Variants in FGD2 observed in about 807,000 individuals in gnomAD.
FGD2 encodes the protein FYVE, RhoGEF and PH domain containing 2, also known as FYVE, RhoGEF and PH domain-containing protein 2.
A neutral mutation model predicts 75.9 loss-of-function variants in FGD2; 52 were observed. The observed-to-expected ratio is 0.69, with a 90% confidence interval of 0.55 to 0.86. The LOEUF (loss-of-function observed/expected upper bound fraction) is 0.86. Among genes scored for constraint, FGD2 ranks in the 40% least tolerant of loss-of-function variants. The pLI is 0.00. For missense variants in FGD2, 790 were observed against 872.0 expected (o/e 0.91, Z 1.18); for synonymous variants, 347 against 348.6 (o/e 1.00, Z 0.05).
chr6:37,012,199 G>T (rs1765045033), intron 4 of FGD2, among the ~76,000 whole-genome samples: 1 of 152,182 alleles, frequency 6.6e-6, no homozygotes, highest in Non-Finnish European at 1.5e-5. Flanking sequence ...CTTCACATCA[G>T]CCTGCTGTGT....
rs1764888167 is a variant in FGD2 at position 37,009,082 on chromosome 6, G to A, written c.300+17G>A. On this transcript the variant is annotated intron_variant, in intron 2 of 15. Transcript: ENST00000274963. ...GGGACGCAGGTGCCTGAGGGCTGAG[G>A]TAGAGGTGTGGGGTGCTGGGGTGGG... 6.2e-7 allele frequency: 1 copy of A among 1,611,098 alleles called. No individual in the cohort carries two copies.
intron 6 of FGD2, 185 bp downstream of exon 6, chr6:37,014,285 T>A (rs1389866016): frequency 1.3e-6 from 1 of 746,226 alleles, no homozygotes; most frequent in Non-Finnish European, 2.1e-6. Flanking sequence ...CCCAGAGAGG[T>A]TTAGTGACTT....
chr6:37,027,303 A>G, intron 14 of FGD2, 126 bp from the exon 15 acceptor site: 1 of 1,146,030 alleles, frequency 8.7e-7, no homozygotes, highest in South Asian at 1.8e-5. Context: ...TCTGAGCCTC[A>G]AGGACCAAGG....
In FGD2 at chr6:37,026,247, G is replaced by T. The variant is rs970593930; in HGVS notation, c.1605+309G>T. The T allele has an allele frequency of 8.1e-6, 8 of 985,314 alleles. No individual in the cohort carries two copies. In the African/African-American group the frequency reaches 1.4e-4, roughly 17 times the overall value. 61.0% of individuals were successfully genotyped at this position (985,314 alleles called of 1,614,324 possible). On this transcript the variant is annotated intron_variant, in intron 14 of 15. Coordinates refer to ENST00000274963, the MANE Select transcript of FGD2 (RefSeq NM_173558.4). ...GGACAGCTCATGTTCACGTCCCCAT[G>T]TCCTGCCCCGACAGTCCCAGGGTGC...
chr6:37,027,941 C>T lies in FGD2; in HGVS notation c.1753-7C>T. 6.2e-7 allele frequency: 1 copy of T among 1,613,466 alleles called. No homozygotes were observed. The highest frequency in any genetic ancestry group is 8.5e-7 in the Non-Finnish European group (1 of 1,179,728). ...GACAGTGGCCCACTGCTCTCTCCTCCCCCCAGGACATGAGGGCTCACACCT... is the reference window on the plus strand; with the variant it reads ...GACAGTGGCCCACTGCTCTCTCCTCTCCCCAGGACATGAGGGCTCACACCT... On this transcript the variant is annotated splice_region_variant and splice_polypyrimidine_tract_variant and intron_variant, in intron 15 of 15. Transcript: ENST00000274963.
Position 37,013,833 on chromosome 6 carries a change from G to A in FGD2, c.684+68G>A, listed in dbSNP as rs1250451618. On this transcript the variant is annotated intron_variant, in intron 5 of 15. Coordinates refer to ENST00000274963, the MANE Select transcript of FGD2 (RefSeq NM_173558.4). Reference sequence around the variant, plus strand: ...CATGCAGTGGCTCAGGTTGCCTTGAGTGATTCCGGGCATCTCCCAGGCTCA... The same window carrying A: ...CATGCAGTGGCTCAGGTTGCCTTGAATGATTCCGGGCATCTCCCAGGCTCA... 1.6e-5 allele frequency: 26 copies of A among 1,596,632 alleles called. No homozygotes were observed. In the East Asian group the frequency reaches 4.2e-4, roughly 26 times the overall value.
chr6:37,009,225 G>A (rs2150767650), intron 2 of FGD2, 160 bp downstream of exon 2: 3 of 665,820 alleles, frequency 4.5e-6, no homozygotes, highest in Non-Finnish European at 5.0e-6. Context: ...ATGCTTAATG[G>A]CCTTTGATTC....
intron 11 of FGD2, among the ~76,000 whole-genome samples, chr6:37,021,247 C>T (rs1292888306): frequency 6.6e-6 from 1 of 152,144 alleles, no homozygotes; most frequent in Non-Finnish European, 1.5e-5. Context: ...GGAGACCGAT[C>T]TGGGTTCCTA....
chr6:37,008,908 C>T lies in FGD2; in HGVS notation c.143C>T (p.Ser48Phe). Residue 48 changes from serine (S) to phenylalanine (F), a missense_variant, in exon 2 of 16, where the codon TCC (serine) becomes TTC (phenylalanine). Ser to Phe is a radical substitution (Grantham distance 155). Transcript: ENST00000274963. ...CGCCCTGAGTGCAGGCCTCCCGAGT[C>T]CCCAGGACCACGGGAGAAGACGAAT... is the stretch of plus-strand genomic sequence containing the variant. The part of the protein sequence containing the change: ...HHRPECRPPE[S>F]PGPREKTNVG... The T allele has an allele frequency of 1.2e-6, 2 of 1,614,118 alleles. No individual in the cohort carries two copies. The highest frequency in any genetic ancestry group is 1.1e-5 in the South Asian group (1 of 91,066).
rs192192429 is a variant in FGD2, at chr6:37,019,587, C to G, written c.1123-954C>G. ...GTGCTCTCAGCCTGTGTCTTAGGTTCTCTTTGCAAATCTCTCTCCACACCG... is the reference window on the plus strand; with the variant it reads ...GTGCTCTCAGCCTGTGTCTTAGGTTGTCTTTGCAAATCTCTCTCCACACCG... On this transcript the variant is annotated intron_variant, in intron 9 of 15. Coordinates refer to ENST00000274963, the MANE Select transcript of FGD2 (RefSeq NM_173558.4). Among the ~76,000 whole-genome samples the G allele has an allele frequency of 1.2e-4, 18 of 152,312 alleles. No homozygotes were observed. The East Asian group carries it at 3.5e-3, about 29-fold the overall frequency.
chr6:37,014,791 C>A (rs1765196973), intron 7 of FGD2, 87 bp downstream of exon 7: 2 of 1,608,226 alleles, frequency 1.2e-6, no homozygotes, highest in Admixed American at 3.4e-5. Context: ...CCCACTGCTG[C>A]CCTCACTGTT....
At chr6:37,010,733 A>C (rs1229664709) in intron 2 of FGD2, among the ~76,000 whole-genome samples, 2 of 152,196 alleles carry the variant, frequency 1.3e-5, no homozygotes, top group Non-Finnish European at 2.9e-5. Flanking sequence ...AGCTCCCAAG[A>C]CAGCACAGGT....
intron 3 of FGD2, 133 bp from the exon 4 acceptor site, chr6:37,011,573 G>A: frequency 1.6e-6 from 2 of 1,224,688 alleles, no homozygotes; most frequent in Non-Finnish European, 1.2e-6. Context: ...CTTTTCCCGG[G>A]GTTGCTGTGA....
chr6:37,021,828 G>T, intron 12 of FGD2: 1 of 533,930 alleles, frequency 1.9e-6, no homozygotes, highest in Non-Finnish European at 3.3e-6. Flanking sequence ...CTGTCTTGGG[G>T]AAGTGTTTCA....
At chr6:37,008,311 C>T (rs1366776516) in intron 1 of FGD2, among the ~76,000 whole-genome samples, 1 of 152,174 alleles carries the variant, frequency 6.6e-6, no homozygotes, top group Non-Finnish European at 1.5e-5. Flanking sequence ...TACGAAGGCC[C>T]GTCCCTGGGA....
At chr6:37,014,263 A>C (rs1448372812) in intron 6 of FGD2, 163 bp downstream of exon 6, 2 of 848,856 alleles carry the variant, frequency 2.4e-6, no homozygotes, top group Non-Finnish European at 1.8e-6. Context: ...TTCACAGATG[A>C]GGACACTAAG....
At chr6:37,023,621 G>A (rs555496300) in intron 13 of FGD2, 1 of 152,396 alleles carries the variant, frequency 6.6e-6, no homozygotes, top group South Asian at 2.1e-4. Context: ...AGCTGGACAG[G>A]TTGGGGCCAG....
chr6:37,011,186 A>G, intron 3 of FGD2, 136 bp downstream of exon 3: 1 of 780,198 alleles, frequency 1.3e-6, no homozygotes, highest in Non-Finnish European at 2.1e-6. Flanking sequence ...TTGGCCCTTT[A>G]ACCTCAATGG....
At chr6:37,008,015 T>C (rs1314358253) in intron 1 of FGD2, among the ~76,000 whole-genome samples, 1 of 152,210 alleles carries the variant, frequency 6.6e-6, no homozygotes, top group Non-Finnish European at 1.5e-5. Flanking sequence ...GAATCCCACC[T>C]CTGCCACTTC....
Sources: allele counts gnomAD v4.1 joint callset (sites outside exome capture counted in the v4.1 genomes callset), GRCh38; gene constraint gnomAD v4.1.1; transcripts MANE v1.5; gene names NCBI Gene and HGNC (gene_info 2026-07-23, HGNC 2026-07-21).